ZFAND6: variants seen among roughly 807,000 people sequenced by gnomAD.
The protein encoded by ZFAND6 is AN1-type zinc finger protein 6.
A neutral mutation model predicts 24.5 loss-of-function variants in ZFAND6; 12 were observed. The ratio of observed to expected loss-of-function variants is 0.49; its 90% CI spans 0.31 to 0.79. The LOEUF is 0.79. Ranked by LOEUF, ZFAND6 falls within the 30% of genes least tolerant of loss-of-function variation. The probability of loss-of-function intolerance (pLI) is 0.04; values close to 1 mark genes in which losing one functional copy is unlikely to be tolerated. For missense variants in ZFAND6, 207 were observed against 245.9 expected (o/e 0.84, Z 1.06); for synonymous variants, 92 against 81.5 (o/e 1.13, Z -0.69).
At chr15:80,066,456 G>A (rs2036642757) in intron 1 of ZFAND6, among the ~76,000 whole-genome samples, 1 of 151,948 alleles carries the variant, frequency 6.6e-6, no homozygotes, top group African/African-American at 2.4e-5. Flanking sequence ...GAGATTACAG[G>A]CATGCGCCAC....
At chr15:80,127,158 T>C (rs1393705812) in intron 5 of ZFAND6, among the ~76,000 whole-genome samples, 3 of 152,082 alleles carry the variant, frequency 2.0e-5, no homozygotes, top group Non-Finnish European at 2.9e-5. Flanking sequence ...AAAAAATACT[T>C]TGAAATCATA....
intron 4 of ZFAND6, among the ~76,000 whole-genome samples, chr15:80,122,228 A>G (rs933286029): frequency 6.6e-6 from 1 of 152,072 alleles, no homozygotes; most frequent in Non-Finnish European, 1.5e-5. Flanking sequence ...GTATATATAT[A>G]TTTTTTAACT....
chr15:80,066,783 G>A (rs2036666950), intron 1 of ZFAND6, among the ~76,000 whole-genome samples: 1 of 151,612 alleles, frequency 6.6e-6, no homozygotes, highest in South Asian at 2.1e-4. Context: ...TGTAATCCCA[G>A]CTACTCGGGA....
intron 1 of ZFAND6, among the ~76,000 whole-genome samples, chr15:80,074,656 A>C (rs564481132): frequency 1.3e-5 from 2 of 151,968 alleles, no homozygotes; most frequent in Non-Finnish European, 2.9e-5. Context: ...AGTATTTTAT[A>C]GGTTTCAGTT....
At chr15:80,121,613 A>T in intron 3 of ZFAND6, 99 bp from the exon 4 acceptor site, 1 of 944,220 alleles carries the variant, frequency 1.1e-6, no homozygotes, top group Non-Finnish European at 1.6e-6. Context: ...GAAAACCTCT[A>T]TACTGTGTTC....
chr15:80,091,259 G>T (rs1285124245), intron 1 of ZFAND6, among the ~76,000 whole-genome samples: 1 of 152,046 alleles, frequency 6.6e-6, no homozygotes, highest in Admixed American at 6.6e-5. Context: ...GAGAAGGAAG[G>T]AGGAGGATGT....
In ZFAND6 at chr15:80,120,333, C is replaced by A; in HGVS notation, c.-12C>A. ...TAATTTTATGTAATTTTCAGGTGTG[C>A]AACTGAGGAACATGGCTCAAGAAAC... On this transcript the variant is annotated 5_prime_UTR_variant, in exon 3 of 7. Transcript: ENST00000261749. 6.5e-7 allele frequency: 1 copy of A among 1,543,950 alleles called. No homozygotes were observed. The highest frequency in any genetic ancestry group is 1.9e-5 in the Admixed American group (1 of 52,858).
chr15:80,063,205 G>C (rs924657932), intron 1 of ZFAND6, among the ~76,000 whole-genome samples: 1 of 151,866 alleles, frequency 6.6e-6, no homozygotes, highest in Non-Finnish European at 1.5e-5. Context: ...AAATTTTCTG[G>C]TAGCCACATT....
chr15:80,065,108 T>A (rs1454440904), intron 1 of ZFAND6, among the ~76,000 whole-genome samples: 2 of 151,998 alleles, frequency 1.3e-5, no homozygotes, highest in Admixed American at 6.6e-5. Context: ...TTTGCTTTTA[T>A]ATTTAAAGGC....
In ZFAND6 at chr15:80,108,735, G is replaced by GTT. The variant is rs57835137; in HGVS notation, c.-18+10164_-18+10165dup. 3.3e-4 allele frequency among the ~76,000 whole-genome samples: 50 copies of GTT among 151,158 alleles called. 1 individual carries two copies. The highest frequency in any genetic ancestry group is 6.3e-4 in the South Asian group (3 of 4,772). Reference sequence around the variant, plus strand: ...TGAGGCCAGGCATCCTTGTTTTTTTGTTTTTTTTCTTTTTTTTTGGAGTCT... The same window carrying GTT: ...TGAGGCCAGGCATCCTTGTTTTTTTGTTTTTTTTTTCTTTTTTTTTGGAGTCT... On this transcript the variant is annotated intron_variant, in intron 2 of 6. Coordinates refer to ENST00000261749, the MANE Select transcript of ZFAND6 (RefSeq NM_019006.4).
chr15:80,101,086 A>G (rs998783068), intron 2 of ZFAND6, among the ~76,000 whole-genome samples: 2 of 152,238 alleles, frequency 1.3e-5, no homozygotes, highest in East Asian at 3.8e-4. Context: ...TTAAGGCTTT[A>G]GGATTAAGAA....
intron 2 of ZFAND6, among the ~76,000 whole-genome samples, chr15:80,116,770 T>C (rs1390101132): frequency 2.6e-5 from 4 of 152,204 alleles, no homozygotes; most frequent in African/African-American, 9.6e-5. Flanking sequence ...GCATTATTTA[T>C]ATATTTATTT....
chr15:80,093,757 AT>A (rs1275403636), intron 1 of ZFAND6, among the ~76,000 whole-genome samples: 1 of 152,330 alleles, frequency 6.6e-6, no homozygotes, highest in East Asian at 1.9e-4. Flanking sequence ...AGATAACTTA[AT>A]TTGGAGTTTT....
At chr15:80,093,404 A>G (rs575567352) in intron 1 of ZFAND6, among the ~76,000 whole-genome samples, 4 of 152,186 alleles carry the variant, frequency 2.6e-5, no homozygotes, top group South Asian at 2.1e-4. Flanking sequence ...TGCTTTCTCT[A>G]TATTCTTTCA....
chr15:80,069,289 T>A (rs1354110584), intron 1 of ZFAND6, among the ~76,000 whole-genome samples: 1 of 152,204 alleles, frequency 6.6e-6, no homozygotes, highest in Non-Finnish European at 1.5e-5. Flanking sequence ...TGCCTTCTCT[T>A]TTATTTTTGT....
Position 80,065,537 on chromosome 15 carries a change from A to ATTTTTTTTT in ZFAND6, c.-181+5745_-181+5753dup, listed in dbSNP as rs149756891. ...GGGCTTCAAATTAGTTTTGGTTTTG[A>ATTTTTTTTT]TTTTTTTTTTTTTTTTTTTTTTTTT... On this transcript the variant is annotated intron_variant, in intron 1 of 6. Transcript: ENST00000261749. Among the ~76,000 whole-genome samples the ATTTTTTTTT allele has an allele frequency of 7.9e-3, 605 of 76,442 alleles. 24 individuals carry two copies. Among genetic ancestry groups the ATTTTTTTTT allele is most frequent in the East Asian group, 0.015 (36 of 2,446 alleles). 50.1% of individuals were successfully genotyped at this position (76,442 alleles called of 152,430 possible).
intron 1 of ZFAND6, among the ~76,000 whole-genome samples, chr15:80,098,026 T>C (rs1279997762): frequency 1.3e-5 from 2 of 152,214 alleles, no homozygotes; most frequent in Non-Finnish European, 1.5e-5. Flanking sequence ...AGTCCGGTGC[T>C]ATGACATGTA....
At chr15:80,094,790 T>G (rs922969692) in intron 1 of ZFAND6, among the ~76,000 whole-genome samples, 2 of 152,116 alleles carry the variant, frequency 1.3e-5, no homozygotes, top group Non-Finnish European at 2.9e-5. Context: ...AATGTTTTTT[T>G]TCTTTTGTGT....
At chr15:80,116,689 GTGAAAT>G (rs1339515749) in intron 2 of ZFAND6, among the ~76,000 whole-genome samples, 10 of 152,190 alleles carry the variant, frequency 6.6e-5, no homozygotes, top group Admixed American at 3.9e-4. Flanking sequence ...TAGTTGCAGT[GTGAAAT>G]TGAAACCATA....
Sources: gnomAD v4.1 joint callset for allele counts (sites outside exome capture counted in the v4.1 genomes callset) on GRCh38, gnomAD v4.1.1 for gene constraint, MANE v1.5 for transcripts, NCBI Gene and HGNC (gene_info 2026-07-23, HGNC 2026-07-21) for gene names.